Variants in ATP8A2 observed in about 807,000 individuals in gnomAD.
The protein encoded by ATP8A2 is phospholipid-transporting ATPase IB.
Under a neutral mutation model 165.6 loss-of-function variants are expected in ATP8A2, and 100 were observed. The observed-to-expected ratio is 0.60, with a 90% CI of 0.51 to 0.71. ATP8A2 has a LOEUF of 0.71. ATP8A2 is among the 30% of genes least tolerant of loss of function. ATP8A2 has a pLI of 0.00. For missense variants in ATP8A2, 1,227 were observed against 1,479.5 expected (o/e 0.83, Z 2.80); for synonymous variants, 543 against 548.8 (o/e 0.99, Z 0.15).
At chr13:25,637,885 G>A (rs560917842) in intron 24 of ATP8A2, among the ~76,000 whole-genome samples, 1 of 152,278 alleles carries the variant, frequency 6.6e-6, no homozygotes, top group South Asian at 2.1e-4. Flanking sequence ...ACCTCACACG[G>A]CCGGGTACCC....
intron 24 of ATP8A2, among the ~76,000 whole-genome samples, chr13:25,661,238 G>GT (rs2042043542): frequency 6.6e-6 from 1 of 152,172 alleles, no homozygotes; most frequent in African/African-American, 2.4e-5. Flanking sequence ...GGAACCATCT[G>GT]TTCTACTACT....
intron 33 of ATP8A2, among the ~76,000 whole-genome samples, chr13:25,902,755 C>T (rs1424673372): frequency 6.6e-6 from 1 of 152,096 alleles, no homozygotes; most frequent in African/African-American, 2.4e-5. Flanking sequence ...CCTGTGCTTT[C>T]AACCCGTCTT....
chr13:25,654,603 T>C (rs1168744256), intron 24 of ATP8A2, among the ~76,000 whole-genome samples: 1 of 152,162 alleles, frequency 6.6e-6, no homozygotes, highest in East Asian at 1.9e-4. Context: ...ATATGGGAGT[T>C]TCATCACCAG....
chr13:25,434,551 G>A (rs949440650), intron 1 of ATP8A2, among the ~76,000 whole-genome samples: 1 of 152,036 alleles, frequency 6.6e-6, no homozygotes, highest in African/African-American at 2.4e-5. Context: ...GTTTTGCCAT[G>A]TTGGCCAGTC....
chr13:25,468,892 C>T (rs1056157223), intron 1 of ATP8A2, 85 bp from the exon 2 acceptor site: 2 of 1,567,494 alleles, frequency 1.3e-6, no homozygotes, highest in Non-Finnish European at 1.7e-6. Flanking sequence ...CCGGTGGCCG[C>T]CCGCCCGCGG....
At chr13:25,955,816 A>G (rs999647007) in intron 33 of ATP8A2, among the ~76,000 whole-genome samples, 4 of 152,218 alleles carry the variant, frequency 2.6e-5, no homozygotes, top group African/African-American at 9.6e-5. Context: ...TGGCAGAGAC[A>G]CAACAAAACA....
At chr13:25,474,823 A>T (rs906822213) in intron 2 of ATP8A2, among the ~76,000 whole-genome samples, 55 of 150,644 alleles carry the variant, frequency 3.7e-4, no homozygotes, top group African/African-American at 1.3e-3. Context: ...CCTAGTACTC[A>T]ATAGTTATTA....
intron 24 of ATP8A2, among the ~76,000 whole-genome samples, chr13:25,693,494 A>G (rs1441349908): frequency 6.6e-6 from 1 of 152,132 alleles, no homozygotes; most frequent in Admixed American, 6.5e-5. Context: ...GAGGATTTCA[A>G]TCCCAGAGGC....
At chr13:25,706,925 T>A (rs1372133778) in intron 25 of ATP8A2, among the ~76,000 whole-genome samples, 2 of 152,160 alleles carry the variant, frequency 1.3e-5, no homozygotes, top group African/African-American at 4.8e-5. Flanking sequence ...ATTACAGCAA[T>A]TTTATTTGGT....
At chr13:25,819,165 A>G (rs1951101504) in intron 27 of ATP8A2, among the ~76,000 whole-genome samples, 2 of 152,146 alleles carry the variant, frequency 1.3e-5, no homozygotes, top group Non-Finnish European at 2.9e-5. Context: ...CAAAAAAAAA[A>G]TGGATTCTGT....
At chr13:25,530,792 T>C in intron 4 of ATP8A2, 132 bp downstream of exon 4, 1 of 624,974 alleles carries the variant, frequency 1.6e-6, no homozygotes, top group Non-Finnish European at 2.8e-6. Context: ...CCTGATGGTA[T>C]TTTTAGGGGG....
At chr13:25,778,820 T>G (rs573560809) in intron 27 of ATP8A2, among the ~76,000 whole-genome samples, 2 of 152,352 alleles carry the variant, frequency 1.3e-5, no homozygotes, top group African/African-American at 4.8e-5. Flanking sequence ...TTACTTTATT[T>G]GTAATCAGTG....
chr13:25,648,667 C>G (rs1566012868), intron 24 of ATP8A2, among the ~76,000 whole-genome samples: 1 of 151,980 alleles, frequency 6.6e-6, no homozygotes. Context: ...CATCTCAAAA[C>G]CAAAACAAAA....
At chr13:25,548,374 C>A (rs2038717458) in intron 10 of ATP8A2, among the ~76,000 whole-genome samples, 1 of 152,184 alleles carries the variant, frequency 6.6e-6, no homozygotes, top group African/African-American at 2.4e-5. Context: ...TGTTCCTCTT[C>A]TGTTAGATGA....
intron 25 of ATP8A2, among the ~76,000 whole-genome samples, chr13:25,763,351 G>A (rs914919655): frequency 2.0e-5 from 3 of 151,928 alleles, no homozygotes; most frequent in Non-Finnish European, 4.4e-5. Flanking sequence ...CCTTTCCTTC[G>A]TTGTTGCATC....
intron 24 of ATP8A2, among the ~76,000 whole-genome samples, chr13:25,623,036 A>G (rs1462682176): frequency 6.6e-6 from 1 of 152,196 alleles, no homozygotes; most frequent in African/African-American, 2.4e-5. Context: ...ACTGAATTTT[A>G]AAGAATATAT....
intron 24 of ATP8A2, among the ~76,000 whole-genome samples, chr13:25,604,660 T>C (rs1041340493): frequency 6.6e-6 from 1 of 152,256 alleles, no homozygotes; most frequent in African/African-American, 2.4e-5. Context: ...TTTGAATCAG[T>C]CAGAACTTTA....
intron 25 of ATP8A2, among the ~76,000 whole-genome samples, chr13:25,709,587 T>C (rs1032418098): frequency 3.3e-5 from 5 of 152,334 alleles, no homozygotes; most frequent in East Asian, 3.9e-4. Flanking sequence ...CATGAACACA[T>C]GACTATACAT....
intron 1 of ATP8A2, among the ~76,000 whole-genome samples, chr13:25,394,838 G>A (rs9511784): frequency 0.28 from 42,300 of 152,088 alleles, 6,566 homozygotes; most frequent in African/African-American, 0.41. Flanking sequence ...GATGACTAGA[G>A]TCTTATCAGC....
Sources: allele counts gnomAD v4.1 joint callset (sites outside exome capture counted in the v4.1 genomes callset), GRCh38; gene constraint gnomAD v4.1.1; transcripts MANE v1.5; gene names NCBI Gene and HGNC (gene_info 2026-07-23, HGNC 2026-07-21).